PKD1L1: variants seen among roughly 807,000 people sequenced by gnomAD.
The protein encoded by PKD1L1 is polycystin 1 like 1, transient receptor potential channel interacting, also known as polycystin-1-like protein 1.
PKD1L1 carries 236 observed loss-of-function variants against 323.4 expected under a neutral mutation model. The observed-to-expected ratio is 0.73, with a 90% CI of 0.66 to 0.81. The LOEUF is 0.81. Among genes scored for constraint, PKD1L1 ranks in the 40% least tolerant of loss-of-function variants. The pLI is 0.00. For missense variants in PKD1L1, 3,320 were observed against 3,508.0 expected (o/e 0.95, Z 1.35); for synonymous variants, 1,344 against 1,335.0 (o/e 1.01, Z -0.15).
intron 5 of PKD1L1, 80 bp downstream of exon 5, chr7:47,931,856 C>T (rs199651713): frequency 1.0e-5 from 15 of 1,489,396 alleles, no homozygotes; most frequent in African/African-American, 8.4e-5. Flanking sequence ...CGCCTACATA[C>T]GGGTGAGTCT....
At position 47,855,301 on chromosome 7, in the gene PKD1L1, G is replaced by A. The variant is rs760707668; in HGVS notation, c.4591-36C>T. On this transcript the variant is annotated intron_variant, in intron 28 of 56. Coordinates refer to ENST00000289672, the MANE Select transcript of PKD1L1 (RefSeq NM_138295.5). ...AAAGACCATCTCAGAGCAAATGACA[G>A]CAAGCAATGGACTTAAGTGAGAAAA... 2.7e-6 allele frequency: 4 copies of A among 1,502,764 alleles called. No individual in the cohort carries two copies. In the Admixed American group the frequency reaches 7.0e-5, roughly 26 times the overall value. 93.1% of individuals were successfully genotyped at this position (1,502,764 alleles called of 1,614,324 possible). A position where few individuals can be genotyped will look rare whatever the true frequency, so the allele number is the denominator to read the frequency against.
intron 3 of PKD1L1, among the ~76,000 whole-genome samples, chr7:47,938,572 A>T (rs2708910): frequency 3.9e-5 from 6 of 152,112 alleles, no homozygotes; most frequent in Admixed American, 2.0e-4. Flanking sequence ...CACGTCCAGG[A>T]GCTGGTGTAT....
intron 7 of PKD1L1, among the ~76,000 whole-genome samples, chr7:47,928,021 A>G (rs1261025719): frequency 1.3e-5 from 2 of 152,236 alleles, no homozygotes; most frequent in Non-Finnish European, 2.9e-5. Context: ...CTTTCTGTGT[A>G]GACAGGGAAG....
At chr7:47,920,311 C>T (rs900278349) in intron 7 of PKD1L1, among the ~76,000 whole-genome samples, 2 of 107,272 alleles carry the variant, frequency 1.9e-5, no homozygotes, top group African/African-American at 6.8e-5. Flanking sequence ...AAAAAAAAAA[C>T]CACTTAGGAA....
intron 52 of PKD1L1, among the ~76,000 whole-genome samples, chr7:47,807,266 G>A (rs1032266917): frequency 6.6e-6 from 1 of 151,936 alleles, no homozygotes; most frequent in African/African-American, 2.4e-5. Flanking sequence ...GCAACAAAAT[G>A]ATCTCCAACA....
In PKD1L1 at chr7:47,829,447, T is replaced by G. The variant is rs774025690; in HGVS notation, c.6713A>C (p.Asp2238Ala). ...TACTTTTTCAACCTCGCCTGCACAG[T>G]CAGGAATACTGCAGCTTGAAGAGAA... ...LPFSSSCSIPDCAGEVEKVLA... is the reference protein window; with the variant it reads ...LPFSSSCSIPACAGEVEKVLA... Residue 2238 changes from aspartate to alanine, a missense_variant, in exon 44 of 57, where the codon GAC becomes GCC. By Grantham distance (126) the Asp-to-Ala change is moderately radical (BLOSUM62 -2). Transcript: ENST00000289672. 1.9e-6 allele frequency: 3 copies of G among 1,613,246 alleles called. No homozygotes were observed.
At chr7:47,871,860 G>A (rs1242670664) in intron 24 of PKD1L1, among the ~76,000 whole-genome samples, 5 of 152,104 alleles carry the variant, frequency 3.3e-5, no homozygotes, top group African/African-American at 1.2e-4. Flanking sequence ...CCTTAAAACT[G>A]AGAAGAAGAC....
At chr7:47,847,383 G>GA (rs1785688359) in intron 31 of PKD1L1, among the ~76,000 whole-genome samples, 1 of 152,160 alleles carries the variant, frequency 6.6e-6, no homozygotes, top group Non-Finnish European at 1.5e-5. Flanking sequence ...CACACCCCCT[G>GA]ACCTTAGTGG....
intron 50 of PKD1L1, chr7:47,809,795 C>A (rs1784856259): frequency 2.5e-6 from 1 of 405,494 alleles, no homozygotes; most frequent in African/African-American, 2.0e-5. Context: ...ACAGAAACTC[C>A]ATGCCAGGGG....
intron 24 of PKD1L1, among the ~76,000 whole-genome samples, chr7:47,871,666 A>T (rs1218988252): frequency 6.6e-6 from 1 of 151,138 alleles, no homozygotes. Flanking sequence ...CTAAGGGACA[A>T]AAAACATATA....
the PKD1L1 span, among the ~76,000 whole-genome samples, chr7:47,959,588 A>G: frequency 7.6e-6 from 1 of 131,388 alleles, no homozygotes; most frequent in Non-Finnish European, 1.7e-5. Context: ...CCGCCTGGCA[A>G]CTGCCCCATA....
intron 24 of PKD1L1, among the ~76,000 whole-genome samples, chr7:47,870,303 T>C (rs1224869210): frequency 1.3e-5 from 2 of 151,908 alleles, no homozygotes; most frequent in Non-Finnish European, 2.9e-5. Flanking sequence ...TAAAAATCAA[T>C]GAAGCCAAAA....
rs79878582 is a variant in PKD1L1 at position 47,808,847 on chromosome 7, C to T, written c.7687-460G>A. Among the ~76,000 whole-genome samples, 19 of 152,264 alleles carry T rather than the reference C, an allele frequency of 1.2e-4. No individual in the cohort carries two copies. In the East Asian group the frequency reaches 3.7e-3, roughly 29 times the overall value. ...AGTGAGTGGTGAGTGAATGTGAAGC[C>T]CTAGAGCATTACTGTACGCTAATGT... On this transcript the variant is annotated intron_variant, in intron 51 of 56. Coordinates refer to ENST00000289672, the MANE Select transcript of PKD1L1 (RefSeq NM_138295.5).
upstream of PKD1L1, among the ~76,000 whole-genome samples, chr7:47,952,317 C>A (rs1788215863): frequency 6.6e-6 from 1 of 152,168 alleles, no homozygotes; most frequent in Admixed American, 6.5e-5. Flanking sequence ...CCCCCTCCAC[C>A]CCATTTGCAA....
At chr7:47,940,672 C>T (rs775776596) in intron 2 of PKD1L1, among the ~76,000 whole-genome samples, 4 of 152,210 alleles carry the variant, frequency 2.6e-5, no homozygotes, top group Admixed American at 6.5e-5. Flanking sequence ...GGGGGCAACA[C>T]CACAGTCGGA....
rs1020497666 is a variant in PKD1L1 at position 47,946,736 on chromosome 7, C to G, written c.44+1661G>C. Among the ~76,000 whole-genome samples, 1 of 152,154 alleles carries G rather than the reference C, an allele frequency of 6.6e-6. No individual in the cohort carries two copies. Among genetic ancestry groups the G allele is most frequent in the Non-Finnish European group, 1.5e-5 (1 of 68,030 alleles). ...GAGGGCTACAGGAGAGTCAAGAAAC[C>G]TCTTCTGTTTCTATGAACAAGATCA... is the stretch of plus-strand genomic sequence containing the variant. On this transcript the variant is annotated intron_variant, in intron 1 of 56. Coordinates refer to ENST00000289672, the MANE Select transcript of PKD1L1 (RefSeq NM_138295.5). This position sits in a 1 kb window ranked among gnomAD's most constrained non-coding sequence, Gnocchi z 4.1.
rs778959232 is a variant in PKD1L1 at position 47,905,933 on chromosome 7, T to C, written c.1432A>G (p.Ile478Val). 14 of 1,611,822 alleles carry C rather than the reference T, an allele frequency of 8.7e-6. No homozygotes were observed. Among genetic ancestry groups the C allele is most frequent in the South Asian group, 5.5e-5 (5 of 90,690 alleles). ...STVVIHHFPSIPSYNVSFISQ... is the reference protein window; with the variant it reads ...STVVIHHFPSVPSYNVSFISQ... ...ATAAAGGACACGTTATATGAAGGAA[T>C]AGATGGAAAGTGATGTATAACCACA... The change falls in exon 10 of 57, where the codon ATT (isoleucine) becomes GTT (valine). Residue 478 changes from isoleucine (I) to valine (V), a missense_variant. Ile to Val is a conservative substitution (Grantham distance 29). Transcript: ENST00000289672.
chr7:47,947,413 G>A (rs1187651284), intron 1 of PKD1L1, among the ~76,000 whole-genome samples: 1 of 152,266 alleles, frequency 6.6e-6, no homozygotes, highest in African/African-American at 2.4e-5. Context: ...GACCTGCAGT[G>A]GCGGGGTACC....
chr7:47,798,119 A>T (rs1419706145), intron 54 of PKD1L1, among the ~76,000 whole-genome samples: 1 of 152,220 alleles, frequency 6.6e-6, no homozygotes, highest in Admixed American at 6.5e-5. Flanking sequence ...GAAAGGCAAA[A>T]GAGCTAGAAC....
Sources: allele counts gnomAD v4.1 joint callset (sites outside exome capture counted in the v4.1 genomes callset), GRCh38; gene constraint gnomAD v4.1.1; non-coding constraint Gnocchi (gnomAD v3.1); transcripts MANE v1.5; gene names NCBI Gene and HGNC (gene_info 2026-07-23, HGNC 2026-07-21).